SYCP2: variants seen among roughly 807,000 people sequenced by gnomAD.
SYCP2 encodes the protein synaptonemal complex lateral element protein.
In SYCP2, 55 loss-of-function variants were observed where a neutral mutation model predicts 211.3. The ratio of observed to expected loss-of-function variants is 0.26; its 90% CI spans 0.21 to 0.33. The LOEUF is 0.33. Among genes scored for constraint, SYCP2 ranks in the 10% least tolerant of loss-of-function variants. SYCP2 has a pLI of 1.00. For synonymous variants in SYCP2, 570 were observed against 555.2 expected, an observed-to-expected ratio of 1.03 and a Z score of -0.37; for missense variants, 1,731 against 1,752.0, an observed-to-expected ratio of 0.99 and a Z score of 0.21.
chr20:59,886,025 A>AC, intron 25 of SYCP2, 61 bp from the exon 26 acceptor site: 4 of 1,248,264 alleles, frequency 3.2e-6, no homozygotes, highest in Non-Finnish European at 4.6e-6. Context: ...CATAAAAGTC[A>AC]TTTTAAGATA....
Position 59,868,903 on chromosome 20 carries a change from AATG to A in SYCP2, c.3761_3763del (p.Ser1254del). 1 of 1,608,472 alleles carries A rather than the reference AATG, an allele frequency of 6.2e-7. No homozygotes were observed. The highest frequency in any genetic ancestry group is 8.5e-7 in the Non-Finnish European group (1 of 1,177,034). On this transcript the variant is annotated inframe_deletion, in exon 37 of 45. Transcript: ENST00000357552. ...CTCTCTTCCTTCACTAGACTTGGATAATGAAGATGCTAAATGACTTTCCTAAAA... is the reference window on the plus strand; with the variant it reads ...CTCTCTTCCTTCACTAGACTTGGATAAAGATGCTAAATGACTTTCCTAAAA...
chr20:59,897,344 G>A (rs971580521), intron 18 of SYCP2, among the ~76,000 whole-genome samples: 32 of 152,134 alleles, frequency 2.1e-4, no homozygotes, highest in African/African-American at 7.5e-4. Flanking sequence ...AAGCTTCTGA[G>A]CCAACAGATT....
At chr20:59,907,284 T>C in intron 15 of SYCP2, 80 bp downstream of exon 15, 1 of 915,064 alleles carries the variant, frequency 1.1e-6, no homozygotes, top group Non-Finnish European at 1.7e-6. Context: ...TTAGTCTGTT[T>C]TGTTAACCCA....
rs766430763 is a variant in SYCP2, at chr20:59,900,161, T to A, written c.1381A>T (p.Asn461Tyr). Residue 461 changes from asparagine (N) to tyrosine (Y), a missense_variant, in exon 18 of 45, where the codon AAT becomes TAT. Around this residue, in one of 3 missense-constraint regions of SYCP2, gnomAD observed 1,387 missense variants for 1,351.3 expected, o/e 1.03. Transcript: ENST00000357552. The stretch of plus-strand genomic sequence containing the variant: ...ACCTCAAGCTGACTATTATTTCTAT[T>A]CCCTTTGTCACTGTTTTTGATATAT... ...SKYIKNSDKG[N>Y]RNNSQLEKTT... The A allele has an allele frequency of 1.2e-5, 19 of 1,613,252 alleles. No individual in the cohort carries two copies. Among genetic ancestry groups the A allele is most frequent in the Non-Finnish European group, 1.2e-5 (14 of 1,179,576 alleles).
rs2060415927 is a variant in SYCP2 at position 59,915,295 on chromosome 20, A to G, written c.600-96T>C. 4.6e-6 allele frequency: 5 copies of G among 1,083,626 alleles called. No individual in the cohort carries two copies. The South Asian group carries it at 7.0e-5, about 15-fold the overall frequency. The allele number at this position is 1,083,626 out of a possible 1,614,324, so 67.1% of individuals were successfully genotyped here. On this transcript the variant is annotated intron_variant, in intron 9 of 44. Transcript: ENST00000357552. Reference sequence around the variant, plus strand: ...GAAAAGAAACTTCACAAAAATTTACAATTGGCTAATATCATCGACTTTTGC... The same window carrying G: ...GAAAAGAAACTTCACAAAAATTTACGATTGGCTAATATCATCGACTTTTGC...
chr20:59,896,599 T>C, intron 18 of SYCP2, 71 bp from the exon 19 acceptor site: 3 of 804,036 alleles, frequency 3.7e-6, no homozygotes, highest in Non-Finnish European at 4.2e-6. Flanking sequence ...CAATTTTACT[T>C]ATAACATTTT....
intron 4 of SYCP2, among the ~76,000 whole-genome samples, chr20:59,920,734 T>C (rs772692563): frequency 6.6e-6 from 1 of 151,638 alleles, no homozygotes; most frequent in East Asian, 1.9e-4. Context: ...AACTTTATAC[T>C]ATGATACAAT....
Position 59,915,487 on chromosome 20 carries a change from T to A in SYCP2, c.577A>T (p.Asn193Tyr). The A allele has an allele frequency of 6.2e-7, 1 of 1,606,770 alleles. No homozygotes were observed. The highest frequency in any genetic ancestry group is 1.1e-5 in the South Asian group (1 of 90,854). ...TACATGAGAATTAACATTTCTTGGT[T>A]AGAGAGTATTTTCCGGGCATCTTGA... ...MPQDARKILS[N>Y]QEMLILMSSM... Residue 193 changes from asparagine (N) to tyrosine (Y), a missense_variant, in exon 9 of 45, where the codon AAC becomes TAC. Coordinates refer to ENST00000357552, the MANE Select transcript of SYCP2 (RefSeq NM_014258.4).
At position 59,879,777 on chromosome 20, in the gene SYCP2, G is replaced by A. The variant is rs1243723108; in HGVS notation, c.2941+526C>T. Among the ~76,000 whole-genome samples the A allele has an allele frequency of 4.1e-5, 6 of 145,180 alleles. No individual in the cohort carries two copies. In the East Asian group the frequency reaches 6.0e-4, roughly 14 times the overall value. ...TATATAAATTCCTAAAAAAGGATGC[G>A]TGTTGGGTGCAGCAAGAAGATGGGA... On this transcript the variant is annotated intron_variant, in intron 31 of 44. Coordinates refer to ENST00000357552, the MANE Select transcript of SYCP2 (RefSeq NM_014258.4).
intron 39 of SYCP2, among the ~76,000 whole-genome samples, chr20:59,867,014 C>CAAAAAAAAAAAAAAAAAAAA (rs779891839): frequency 1.7e-5 from 1 of 60,418 alleles, no homozygotes; most frequent in African/African-American, 6.0e-5. Context: ...GGCCTTGGGC[C>CAAAAAAAAAAAAAAAAAAAA]AAAAAAAAAA....
intron 35 of SYCP2, among the ~76,000 whole-genome samples, chr20:59,870,700 G>T (rs1035914706): frequency 2.0e-5 from 3 of 151,622 alleles, no homozygotes; most frequent in Non-Finnish European, 4.4e-5. Flanking sequence ...TGGGGCAGGG[G>T]GTATGTAACA....
At chr20:59,879,990 G>A (rs962133673) in intron 31 of SYCP2, among the ~76,000 whole-genome samples, 1 of 150,696 alleles carries the variant, frequency 6.6e-6, no homozygotes, top group Non-Finnish European at 1.5e-5. Context: ...TTGGGTTCAT[G>A]AGTACTTGGT....
rs1331150612 is a variant in SYCP2 at position 59,877,998 on chromosome 20, C to T, written c.2979+10G>A. 5 of 1,596,658 alleles carry T rather than the reference C, an allele frequency of 3.1e-6. No individual in the cohort carries two copies. The highest frequency in any genetic ancestry group is 1.3e-5 in the African/African-American group (1 of 74,076). On this transcript the variant is annotated intron_variant, in intron 32 of 44. Coordinates refer to ENST00000357552, the MANE Select transcript of SYCP2 (RefSeq NM_014258.4). Reference sequence around the variant, plus strand: ...TAAAGGGATGTTTGAACACAAACTTCTTGGCTTACCATTTTAGAGCTTGGC... The same window carrying T: ...TAAAGGGATGTTTGAACACAAACTTTTTGGCTTACCATTTTAGAGCTTGGC...
Position 59,889,311 on chromosome 20 carries a change from T to C in SYCP2, c.2365-2477A>G, listed in dbSNP as rs183791860. On this transcript the variant is annotated intron_variant, in intron 24 of 44. Transcript: ENST00000357552. ...CCACAGTGATGCAAGATGTTAATAATAGGGGAATGGGTAAATGGGTATACG... is the reference window on the plus strand; with the variant it reads ...CCACAGTGATGCAAGATGTTAATAACAGGGGAATGGGTAAATGGGTATACG... Among the ~76,000 whole-genome samples the C allele has an allele frequency of 8.3e-4, 127 of 152,108 alleles. 1 individual carries two copies. Among genetic ancestry groups the C allele is most frequent in the Admixed American group, 6.4e-3 (97 of 15,234 alleles).
At chr20:59,914,491 A>G (rs1238401315) in intron 10 of SYCP2, among the ~76,000 whole-genome samples, 4 of 152,006 alleles carry the variant, frequency 2.6e-5, no homozygotes, top group African/African-American at 9.7e-5. Context: ...AAATGTTGAG[A>G]CTTCTAAATA....
At chr20:59,897,068 C>T (rs1283647715) in intron 18 of SYCP2, among the ~76,000 whole-genome samples, 1 of 152,062 alleles carries the variant, frequency 6.6e-6, no homozygotes, top group African/African-American at 2.4e-5. Flanking sequence ...GATTTGTTTT[C>T]TCCCATATCA....
intron 34 of SYCP2, 139 bp downstream of exon 34, chr20:59,875,132 A>G: frequency 1.9e-6 from 1 of 536,754 alleles, no homozygotes; most frequent in Middle Eastern, 4.9e-4. Context: ...TACTAGCATT[A>G]ATTAGCTTAA....
chr20:59,881,318 GTAA>G (rs1318943672), intron 29 of SYCP2, 116 bp downstream of exon 29: 4 of 637,560 alleles, frequency 6.3e-6, no homozygotes, highest in Non-Finnish European at 1.1e-5. Context: ...CATAATGAGA[GTAA>G]TAATGACTAG....
At chr20:59,931,518 AAT>A (rs1426246744) in intron 2 of SYCP2, among the ~76,000 whole-genome samples, 1 of 152,190 alleles carries the variant, frequency 6.6e-6, no homozygotes, top group African/African-American at 2.4e-5. Context: ...AAATACTTAA[AAT>A]ATGTTGTGGG....
Sources: allele counts gnomAD v4.1 joint callset (sites outside exome capture counted in the v4.1 genomes callset), GRCh38; gene constraint gnomAD v4.1.1; regional missense constraint gnomAD v4.1.1; transcripts MANE v1.5; gene names NCBI Gene and HGNC (gene_info 2026-07-23, HGNC 2026-07-21).